SNTG1: variants seen among roughly 807,000 people sequenced by gnomAD.
SNTG1 encodes the protein gamma-1-syntrophin.
Under a neutral mutation model 74.7 loss-of-function variants are expected in SNTG1, and 39 were observed. The observed-to-expected ratio is 0.52, with a 90% confidence interval of 0.40 to 0.68. The LOEUF (loss-of-function observed/expected upper bound fraction) is 0.68. Ranked by LOEUF, SNTG1 falls within the 30% of genes least tolerant of loss-of-function variation. The pLI is 0.00. For missense variants in SNTG1, 685 were observed against 609.5 expected (o/e 1.12, Z -1.30); for synonymous variants, 254 against 217.1 (o/e 1.17, Z -1.49).
intron 1 of SNTG1, among the ~76,000 whole-genome samples, chr8:49,938,598 T>TTTTC (rs1554524896): frequency 7.9e-5 from 1 of 12,690 alleles, no homozygotes; most frequent in African/African-American, 1.8e-4. Flanking sequence ...TTTTCTTTTC[T>TTTTC]TTTCTTTTCT....
intron 2 of SNTG1, among the ~76,000 whole-genome samples, chr8:50,259,591 G>GCACATT (rs2087079195): frequency 2.0e-5 from 3 of 148,902 alleles, no homozygotes; most frequent in Admixed American, 2.0e-4. Context: ...AAGAAGAAAA[G>GCACATT]CACATTTCCA....
intron 15 of SNTG1, among the ~76,000 whole-genome samples, chr8:50,677,935 A>G (rs2095315529): frequency 6.6e-6 from 1 of 151,902 alleles, no homozygotes; most frequent in Non-Finnish European, 1.5e-5. Context: ...TAATGAGAAC[A>G]CATGAACAAA....
At chr8:50,288,135 T>C (rs1341029418) in intron 2 of SNTG1, among the ~76,000 whole-genome samples, 1 of 152,168 alleles carries the variant, frequency 6.6e-6, no homozygotes, top group Non-Finnish European at 1.5e-5. Flanking sequence ...CATACATTAG[T>C]ACAGGGGAGA....
intron 12 of SNTG1, among the ~76,000 whole-genome samples, chr8:50,563,457 T>C (rs995835903): frequency 6.6e-6 from 1 of 152,186 alleles, no homozygotes; most frequent in Non-Finnish European, 1.5e-5. Flanking sequence ...GAAAAGTTGC[T>C]GTGGTCATGA....
intron 17 of SNTG1, among the ~76,000 whole-genome samples, chr8:50,713,487 G>C (rs2095467520): frequency 6.6e-6 from 1 of 152,028 alleles, no homozygotes; most frequent in African/African-American, 2.4e-5. Flanking sequence ...CTTTTGCTGT[G>C]CAGAAGCTCT....
At chr8:50,282,755 A>T (rs1484774049) in intron 2 of SNTG1, among the ~76,000 whole-genome samples, 24 of 151,628 alleles carry the variant, frequency 1.6e-4, no homozygotes, top group Admixed American at 1.5e-3. Context: ...GACAGAAGAG[A>T]CTCTGTCCAT....
At chr8:50,568,202 C>G (rs1261856240) in intron 12 of SNTG1, among the ~76,000 whole-genome samples, 2 of 123,168 alleles carry the variant, frequency 1.6e-5, no homozygotes, top group Non-Finnish European at 3.7e-5. Context: ...TTTTTAATGG[C>G]TGAATAGTAT....
chr8:50,183,057 G>A (rs16914433), intron 2 of SNTG1, among the ~76,000 whole-genome samples: 3,814 of 152,060 alleles, frequency 0.025, 176 homozygotes, highest in African/African-American at 0.085. Flanking sequence ...TGACTGTAAC[G>A]CCTAATCTGA....
chr8:50,198,583 G>A (rs949880562), intron 2 of SNTG1, among the ~76,000 whole-genome samples: 1 of 152,156 alleles, frequency 6.6e-6, no homozygotes, highest in Non-Finnish European at 1.5e-5. Context: ...GTTCATAATA[G>A]GGAAGGAGGC....
chr8:50,042,022 T>G (rs1453567960), intron 1 of SNTG1, among the ~76,000 whole-genome samples: 1 of 152,166 alleles, frequency 6.6e-6, no homozygotes, highest in Non-Finnish European at 1.5e-5. Flanking sequence ...AATTTGAAAA[T>G]GCATTCAACA....
At chr8:50,428,106 G>A (rs1377231548) in intron 4 of SNTG1, among the ~76,000 whole-genome samples, 1 of 152,122 alleles carries the variant, frequency 6.6e-6, no homozygotes, top group Admixed American at 6.6e-5. Context: ...TTGAGGCCAG[G>A]AGTTGGAGAC....
intron 2 of SNTG1, among the ~76,000 whole-genome samples, chr8:50,258,767 G>A (rs2087006231): frequency 6.6e-6 from 1 of 152,016 alleles, no homozygotes; most frequent in Non-Finnish European, 1.5e-5. Flanking sequence ...GAAAGAAAAT[G>A]AGCAGAGTCT....
intron 2 of SNTG1, among the ~76,000 whole-genome samples, chr8:50,211,488 A>G (rs1048571388): frequency 9.2e-5 from 14 of 152,096 alleles, no homozygotes; most frequent in Non-Finnish European, 2.1e-4. Context: ...CTTAATCCTG[A>G]GAGCAACACT....
chr8:50,196,637 A>G (rs925090523), intron 2 of SNTG1, among the ~76,000 whole-genome samples: 3 of 151,996 alleles, frequency 2.0e-5, no homozygotes, highest in African/African-American at 7.2e-5. Context: ...CTTGGCAAGT[A>G]GATGTGAACA....
In SNTG1 at chr8:49,984,789, T is replaced by C. The variant is rs551875625; in HGVS notation, c.-103+72558T>C. ...AAGTATAGTTTAAGGAATTCTTACA[T>C]GGCTGATTTCATTAAAAGGTTGCCC... On this transcript the variant is annotated intron_variant, in intron 1 of 18. Transcript: ENST00000642720. Among the ~76,000 whole-genome samples, 10 of 152,304 alleles carry C rather than the reference T, an allele frequency of 6.6e-5. No homozygotes were observed. The East Asian group carries it at 1.4e-3, about 21-fold the overall frequency.
At chr8:50,130,902 T>C (rs1195107428) in intron 1 of SNTG1, among the ~76,000 whole-genome samples, 1 of 152,116 alleles carries the variant, frequency 6.6e-6, no homozygotes, top group African/African-American at 2.4e-5. Flanking sequence ...AAGTAACATT[T>C]GAGCTCTTTG....
chr8:50,025,714 G>C (rs749187360), intron 1 of SNTG1, among the ~76,000 whole-genome samples: 2 of 152,106 alleles, frequency 1.3e-5, no homozygotes, highest in East Asian at 3.9e-4. Flanking sequence ...AAAAAGTGTG[G>C]ATATCTCAGT....
chr8:49,987,703 T>C (rs1490365521), intron 1 of SNTG1, among the ~76,000 whole-genome samples: 2 of 145,514 alleles, frequency 1.4e-5, no homozygotes, highest in South Asian at 2.2e-4. Flanking sequence ...GGCTGGAGTG[T>C]GGTGGCGTGA....
intron 2 of SNTG1, among the ~76,000 whole-genome samples, chr8:50,377,908 A>T (rs1188064299): frequency 6.6e-6 from 1 of 152,254 alleles, no homozygotes; most frequent in Non-Finnish European, 1.5e-5. Context: ...TAACTGGTCA[A>T]AACTGAGTTA....
Sources: allele counts gnomAD v4.1 joint callset (sites outside exome capture counted in the v4.1 genomes callset), GRCh38; gene constraint gnomAD v4.1.1; transcripts MANE v1.5; gene names NCBI Gene and HGNC (gene_info 2026-07-23, HGNC 2026-07-21).